KIAA1217: variants seen among roughly 807,000 people sequenced by gnomAD.
The protein encoded by KIAA1217 is KIAA1217, also known as sickle tail protein homolog.
In KIAA1217, 88 loss-of-function variants were observed where a neutral mutation model predicts 163.9. That is an observed-to-expected ratio of 0.54 (90% CI 0.45 to 0.64). KIAA1217 has a LOEUF of 0.64. Among genes scored for constraint, KIAA1217 ranks in the 30% least tolerant of loss-of-function variants. KIAA1217 has a pLI of 0.00. For missense variants in KIAA1217, 2,372 were observed against 2,475.0 expected, an observed-to-expected ratio of 0.96 and a Z score of 0.88; for synonymous variants, 903 against 923.1, an observed-to-expected ratio of 0.98 and a Z score of 0.39.
intron 2 of KIAA1217, among the ~76,000 whole-genome samples, chr10:24,222,396 G>A (rs1651439976): frequency 6.6e-6 from 1 of 152,186 alleles, no homozygotes; most frequent in Admixed American, 6.5e-5. Flanking sequence ...TAACAGGAAA[G>A]GGGTCCTGAT....
intron 2 of KIAA1217, among the ~76,000 whole-genome samples, chr10:24,086,641 T>C (rs1448415008): frequency 6.6e-6 from 1 of 152,198 alleles, no homozygotes; most frequent in African/African-American, 2.4e-5. Flanking sequence ...GTATGTTTTT[T>C]TAAATGTAAT....
intron 1 of KIAA1217, among the ~76,000 whole-genome samples, chr10:23,876,659 C>T (rs1840711783): frequency 6.6e-6 from 1 of 151,898 alleles, no homozygotes; most frequent in African/African-American, 2.4e-5. Context: ...GACCAGTGTC[C>T]ATGTTGCATG....
chr10:24,449,315 C>CACG (rs1342331788), intron 5 of KIAA1217: 1 of 305,500 alleles, frequency 3.3e-6, no homozygotes, highest in African/African-American at 2.3e-5. Flanking sequence ...GCTTGCTTTT[C>CACG]CTTGTACTAT....
chr10:24,286,502 A>T (rs1048373075), intron 2 of KIAA1217, among the ~76,000 whole-genome samples: 5 of 151,450 alleles, frequency 3.3e-5, no homozygotes, highest in African/African-American at 1.2e-4. Context: ...ACACACAATC[A>T]CTCCTTAAAT....
chr10:24,037,795 T>C (rs1000822049), intron 2 of KIAA1217, among the ~76,000 whole-genome samples: 2 of 152,256 alleles, frequency 1.3e-5, no homozygotes, highest in African/African-American at 4.8e-5. Flanking sequence ...GGCTACTTCC[T>C]TATTTTTGGA....
intron 3 of KIAA1217, among the ~76,000 whole-genome samples, chr10:24,418,936 G>A (rs1327026121): frequency 6.6e-6 from 1 of 151,836 alleles, no homozygotes; most frequent in Non-Finnish European, 1.5e-5. Flanking sequence ...CAGCAATTTG[G>A]GAGGCCGAGG....
chr10:24,236,953 G>A (rs16924407), intron 2 of KIAA1217, among the ~76,000 whole-genome samples: 7,609 of 152,160 alleles, frequency 0.05, 614 homozygotes, highest in African/African-American at 0.17. Context: ...CTCCTGGCCC[G>A]TTTTCTACCT....
At chr10:24,489,775 G>T in intron 6 of KIAA1217, among the ~76,000 whole-genome samples, 1 of 141,428 alleles carries the variant, frequency 7.1e-6, no homozygotes, top group East Asian at 2.2e-4. Flanking sequence ...GAGGTGAAAG[G>T]ATCTCTTGAG....
At chr10:24,002,280 T>C (rs1846776081) in intron 1 of KIAA1217, among the ~76,000 whole-genome samples, 1 of 152,128 alleles carries the variant, frequency 6.6e-6, no homozygotes, top group Non-Finnish European at 1.5e-5. Context: ...TTGTGGTTCT[T>C]TCCAATTCAT....
intron 2 of KIAA1217, among the ~76,000 whole-genome samples, chr10:24,374,522 C>T (rs1465051574): frequency 6.6e-6 from 1 of 152,148 alleles, no homozygotes. Flanking sequence ...TCTTTAATGC[C>T]AGACCCACCC....
At chr10:23,925,906 G>T (rs1378190378) in intron 1 of KIAA1217, among the ~76,000 whole-genome samples, 1 of 152,168 alleles carries the variant, frequency 6.6e-6, no homozygotes, top group Admixed American at 6.5e-5. Flanking sequence ...TAAAGCAAAT[G>T]GGTGTCAAAA....
chr10:23,928,523 G>C (rs776708179), intron 1 of KIAA1217, among the ~76,000 whole-genome samples: 5 of 152,136 alleles, frequency 3.3e-5, no homozygotes, highest in Non-Finnish European at 7.3e-5. Context: ...AGCACCTACT[G>C]TTTGCAAGAC....
At chr10:24,227,741 T>C (rs374291010) in intron 2 of KIAA1217, among the ~76,000 whole-genome samples, 1 of 150,994 alleles carries the variant, frequency 6.6e-6, no homozygotes. Context: ...ACCGTGTTAG[T>C]CAGGATGGTC....
At chr10:23,891,131 T>C (rs1257204501) in intron 1 of KIAA1217, among the ~76,000 whole-genome samples, 1 of 152,024 alleles carries the variant, frequency 6.6e-6, no homozygotes, top group Non-Finnish European at 1.5e-5. Context: ...TAAATTAAAA[T>C]GTATCTTTCT....
chr10:23,735,249 T>G (rs1316157035), intron 1 of KIAA1217, among the ~76,000 whole-genome samples: 1 of 151,972 alleles, frequency 6.6e-6, no homozygotes, highest in East Asian at 1.9e-4. Context: ...ATTTATTTAT[T>G]TTGAGATGGA....
intron 2 of KIAA1217, among the ~76,000 whole-genome samples, chr10:24,063,683 C>G (rs2060822989): frequency 6.6e-6 from 1 of 152,088 alleles, no homozygotes; most frequent in Non-Finnish European, 1.5e-5. Flanking sequence ...TGAAGAAAGT[C>G]ATTGGTAGCT....
At chr10:23,741,016 T>C (rs1839082701) in intron 1 of KIAA1217, among the ~76,000 whole-genome samples, 1 of 152,228 alleles carries the variant, frequency 6.6e-6, no homozygotes, top group South Asian at 2.1e-4. Flanking sequence ...TAGTTTGCTC[T>C]TTTAGATATG....
intron 2 of KIAA1217, among the ~76,000 whole-genome samples, chr10:24,292,620 A>G (rs566000513): frequency 3.9e-5 from 6 of 152,314 alleles, no homozygotes; most frequent in African/African-American, 1.2e-4. Context: ...TGCACTTCAT[A>G]TCTACTATGG....
At chr10:24,403,693 A>T (rs944766663) in intron 3 of KIAA1217, among the ~76,000 whole-genome samples, 2 of 152,250 alleles carry the variant, frequency 1.3e-5, no homozygotes, top group Non-Finnish European at 2.9e-5. Context: ...TGGATGAACT[A>T]CAGAAAGAGA....
Sources: allele counts gnomAD v4.1 joint callset (sites outside exome capture counted in the v4.1 genomes callset), GRCh38; gene constraint gnomAD v4.1.1; transcripts MANE v1.5; gene names NCBI Gene and HGNC (gene_info 2026-07-23, HGNC 2026-07-21).